The following RASGRP3 variants were observed in gnomAD, a reference collection of about 807,000 sequenced individuals.
The protein encoded by RASGRP3 is ras guanyl-releasing protein 3.
In RASGRP3, 54 loss-of-function variants were observed where a neutral mutation model predicts 82.7. The ratio of observed to expected loss-of-function variants is 0.65; its 90% CI spans 0.52 to 0.82. RASGRP3 has a LOEUF of 0.82. Ranked by LOEUF, RASGRP3 falls within the 40% of genes least tolerant of loss-of-function variation. The pLI is 0.00. For synonymous variants in RASGRP3, 309 were observed against 300.5 expected (o/e 1.03, Z -0.29); for missense variants, 861 against 828.9 (o/e 1.04, Z -0.48).
intron 10 of RASGRP3, among the ~76,000 whole-genome samples, chr2:33,530,497 C>CT (rs746592952): frequency 0.042 from 4,939 of 117,026 alleles, 145 homozygotes; most frequent in African/African-American, 0.087. Context: ...CTGCCCCTTC[C>CT]TTTTTTTTTT....
intron 2 of RASGRP3, among the ~76,000 whole-genome samples, chr2:33,471,081 G>C (rs1040559876): frequency 1.3e-4 from 19 of 151,998 alleles, no homozygotes; most frequent in African/African-American, 4.4e-4. Flanking sequence ...TGTTTGATTT[G>C]AGATTTGAAT....
intron 1 of RASGRP3, among the ~76,000 whole-genome samples, chr2:33,439,741 A>G (rs1194913020): frequency 6.6e-6 from 1 of 152,106 alleles, no homozygotes; most frequent in East Asian, 1.9e-4. Context: ...GGAGCAGGAA[A>G]GAAGTGCCTG....
rs1245212005 is a variant in RASGRP3 at position 33,562,792 on chromosome 2, GA to G, written c.*56del. ...TGTTGGCTTTTGGAAGGGGCAAGACGAGAAACTCTGAAGAAAGCTCTGACTC... is the reference window on the plus strand; with the variant it reads ...TGTTGGCTTTTGGAAGGGGCAAGACGGAAACTCTGAAGAAAGCTCTGACTC... On this transcript the variant is annotated 3_prime_UTR_variant, in exon 18 of 18. Coordinates refer to ENST00000403687, the MANE Select transcript of RASGRP3 (RefSeq NM_001139488.2). 1 of 1,586,612 alleles carries G rather than the reference GA, an allele frequency of 6.3e-7. No individual in the cohort carries two copies. The highest frequency in any genetic ancestry group is 8.7e-7 in the Non-Finnish European group (1 of 1,155,816).
Position 33,549,768 on chromosome 2 carries a change from T to C in RASGRP3, c.1542+17T>C. 6 of 1,610,172 alleles carry C rather than the reference T, an allele frequency of 3.7e-6. No individual in the cohort carries two copies. Among genetic ancestry groups the C allele is most frequent in the Non-Finnish European group, 4.2e-6 (5 of 1,178,212 alleles). On this transcript the variant is annotated intron_variant, in intron 14 of 17. Coordinates refer to ENST00000403687, the MANE Select transcript of RASGRP3 (RefSeq NM_001139488.2). ...GCGGGATTTGTAAGTCTGTTTTCCGTTGTTTTCTTATGTGTGTAGTTATTT... is the reference window on the plus strand; with the variant it reads ...GCGGGATTTGTAAGTCTGTTTTCCGCTGTTTTCTTATGTGTGTAGTTATTT...
At position 33,558,189 on chromosome 2, in the gene RASGRP3, C is replaced by T. The variant is rs770306851; in HGVS notation, c.1580-22C>T. The T allele has an allele frequency of 2.7e-5, 44 of 1,605,332 alleles. 1 individual carries two copies. The highest frequency in any genetic ancestry group is 5.1e-5 in the Admixed American group (3 of 58,720). On this transcript the variant is annotated intron_variant, in intron 15 of 17. Coordinates refer to ENST00000403687, the MANE Select transcript of RASGRP3 (RefSeq NM_001139488.2). ...CAACATCAGACACACTAATCATCTG[C>T]GACACCCTTGGAATTTTTCAGACTG...
chr2:33,546,883 A>G (rs914084084), intron 13 of RASGRP3, among the ~76,000 whole-genome samples: 3 of 152,126 alleles, frequency 2.0e-5, no homozygotes, highest in Admixed American at 1.3e-4. Context: ...TCTGACCAAC[A>G]TGGAGAAACC....
At chr2:33,554,483 T>G (rs1214265817) in intron 14 of RASGRP3, among the ~76,000 whole-genome samples, 1 of 151,808 alleles carries the variant, frequency 6.6e-6, no homozygotes, top group East Asian at 1.9e-4. Context: ...GCCCTCTTCT[T>G]TTTTTTTGAG....
intron 1 of RASGRP3, among the ~76,000 whole-genome samples, chr2:33,500,737 C>T (rs1669792121): frequency 1.3e-5 from 2 of 152,164 alleles, no homozygotes; most frequent in African/African-American, 2.4e-5. Context: ...AGTTTGAGAC[C>T]AGCCTGGCCA....
chr2:33,536,973 G>T (rs956422882), intron 11 of RASGRP3, among the ~76,000 whole-genome samples: 1 of 152,176 alleles, frequency 6.6e-6, no homozygotes, highest in African/African-American at 2.4e-5. Flanking sequence ...AACCAGCTCA[G>T]TGGAGAGTCA....
At chr2:33,507,223 C>T (rs1670464266) in intron 1 of RASGRP3, among the ~76,000 whole-genome samples, 1 of 152,096 alleles carries the variant, frequency 6.6e-6, no homozygotes, top group Admixed American at 6.6e-5. Context: ...GGTGAAACCC[C>T]ATCTCTACTA....
intron 2 of RASGRP3, among the ~76,000 whole-genome samples, chr2:33,468,424 C>T (rs1481507974): frequency 4.7e-5 from 7 of 150,252 alleles, no homozygotes; most frequent in African/African-American, 9.8e-5. Context: ...TTTTTTGAGA[C>T]GGAGTCTCGC....
chr2:33,545,247 A>T (rs1241854141), intron 13 of RASGRP3, among the ~76,000 whole-genome samples: 2 of 152,246 alleles, frequency 1.3e-5, no homozygotes, highest in Non-Finnish European at 2.9e-5. Context: ...TGGACTATTC[A>T]TATCTTGCTT....
At chr2:33,469,713 G>A (rs533257233) in intron 2 of RASGRP3, among the ~76,000 whole-genome samples, 49 of 152,096 alleles carry the variant, frequency 3.2e-4, no homozygotes, top group Non-Finnish European at 4.9e-4. Context: ...TGCCCACCTC[G>A]GCCTCCCAAA....
At chr2:33,555,117 T>A (rs1436488886) in intron 14 of RASGRP3, 1 of 159,458 alleles carries the variant, frequency 6.3e-6, no homozygotes, top group Non-Finnish European at 1.4e-5. Context: ...TCCAAATGCT[T>A]TCACATGAGG....
intron 11 of RASGRP3, among the ~76,000 whole-genome samples, chr2:33,534,641 G>T (rs1052402070): frequency 2.6e-5 from 4 of 151,198 alleles, no homozygotes; most frequent in Non-Finnish European, 5.9e-5. Flanking sequence ...TGATTCTCCT[G>T]CTTCAGCCTC....
chr2:33,477,466 G>A (rs958174434), intron 1 of RASGRP3, among the ~76,000 whole-genome samples: 1 of 152,038 alleles, frequency 6.6e-6, no homozygotes, highest in Non-Finnish European at 1.5e-5. Context: ...TAGTGTTTTC[G>A]TGATACTCAG....
chr2:33,530,521 T>TA (rs1437137978), intron 10 of RASGRP3, among the ~76,000 whole-genome samples: 4 of 127,990 alleles, frequency 3.1e-5, no homozygotes, highest in African/African-American at 9.7e-5. Context: ...TTTTTTTTTT[T>TA]AAACTAAAGA....
At chr2:33,493,890 A>G (rs556690867) in intron 1 of RASGRP3, among the ~76,000 whole-genome samples, 1 of 152,232 alleles carries the variant, frequency 6.6e-6, no homozygotes, top group African/African-American at 2.4e-5. Context: ...TAGCTGTTTC[A>G]TTTCTCCGTA....
chr2:33,497,554 A>G (rs529023727), intron 1 of RASGRP3, among the ~76,000 whole-genome samples: 123 of 152,318 alleles, frequency 8.1e-4, no homozygotes, highest in African/African-American at 2.9e-3. Flanking sequence ...ATCACCTGAC[A>G]TGCATTTATT....
Sources: allele counts gnomAD v4.1 joint callset (sites outside exome capture counted in the v4.1 genomes callset), GRCh38; gene constraint gnomAD v4.1.1; transcripts MANE v1.5; gene names NCBI Gene and HGNC (gene_info 2026-07-23, HGNC 2026-07-21).